ARL15: variants seen among roughly 807,000 people sequenced by gnomAD.
The protein encoded by ARL15 is ARF like GTPase 15.
Under a neutral mutation model 25.2 loss-of-function variants are expected in ARL15, and 19 were observed. That is an observed-to-expected ratio of 0.75 (90% CI 0.53 to 1.10). The LOEUF (loss-of-function observed/expected upper bound fraction) is 1.10, where lower values mean the gene tolerates loss of function less well. ARL15 is among the 50% of genes least tolerant of loss of function. The pLI is 0.00. For missense variants in ARL15, 220 were observed against 246.0 expected (o/e 0.89, Z 0.71); for synonymous variants, 94 against 86.8 (o/e 1.08, Z -0.46).
At chr5:54,235,653 G>T (rs1756782972) in intron 1 of ARL15, among the ~76,000 whole-genome samples, 1 of 152,200 alleles carries the variant, frequency 6.6e-6, no homozygotes, top group Non-Finnish European at 1.5e-5. Flanking sequence ...TATAATTTTT[G>T]TAGAGACAGG....
intron 1 of ARL15, among the ~76,000 whole-genome samples, chr5:54,194,791 T>C (rs1755505800): frequency 6.6e-6 from 1 of 152,190 alleles, no homozygotes; most frequent in African/African-American, 2.4e-5. Flanking sequence ...TTGGAAAGAA[T>C]CTACTTCAGA....
intron 1 of ARL15, among the ~76,000 whole-genome samples, chr5:54,251,442 AAC>A (rs1757234046): frequency 1.3e-5 from 2 of 152,232 alleles, no homozygotes; most frequent in African/African-American, 2.4e-5. Flanking sequence ...AGTCAACAGC[AAC>A]AGTTTGTAAT....
intron 4 of ARL15, among the ~76,000 whole-genome samples, chr5:53,985,756 A>C (rs1748277495): frequency 6.6e-6 from 1 of 152,218 alleles, no homozygotes; most frequent in African/African-American, 2.4e-5. Context: ...GCTACAGTGA[A>C]TAATGCTGCT....
chr5:54,236,162 CAG>C (rs1433533725), intron 1 of ARL15, among the ~76,000 whole-genome samples: 2 of 152,126 alleles, frequency 1.3e-5, no homozygotes, highest in African/African-American at 4.8e-5. Context: ...TAAACTCTGG[CAG>C]AGATAGCTAC....
At chr5:54,166,820 T>A (rs1273519285) in intron 2 of ARL15, among the ~76,000 whole-genome samples, 1 of 152,214 alleles carries the variant, frequency 6.6e-6, no homozygotes, top group Non-Finnish European at 1.5e-5. Flanking sequence ...CGATGATTAT[T>A]CTCATTATGA....
chr5:53,893,348 T>G (rs1320242889), intron 4 of ARL15, among the ~76,000 whole-genome samples: 1 of 151,008 alleles, frequency 6.6e-6, no homozygotes, highest in Non-Finnish European at 1.5e-5. Flanking sequence ...GGCTCACGCC[T>G]GTAATCCCAG....
At chr5:54,285,001 T>C (rs1451320494) in intron 1 of ARL15, among the ~76,000 whole-genome samples, 1 of 152,200 alleles carries the variant, frequency 6.6e-6, no homozygotes, top group East Asian at 1.9e-4. Flanking sequence ...AAGAAACTAT[T>C]TTAACTGTAA....
At chr5:54,303,228 C>A (rs564469763) in intron 1 of ARL15, among the ~76,000 whole-genome samples, 2 of 152,146 alleles carry the variant, frequency 1.3e-5, no homozygotes, top group South Asian at 4.1e-4. Context: ...AGTACCTCTT[C>A]AAAAGAAATG....
At chr5:54,066,889 A>G (rs1289620256) in intron 4 of ARL15, among the ~76,000 whole-genome samples, 1 of 152,232 alleles carries the variant, frequency 6.6e-6, no homozygotes, top group Non-Finnish European at 1.5e-5. Flanking sequence ...ATAATCGCCA[A>G]CATAGAAGGT....
chr5:54,146,063 A>G (rs929704518), intron 3 of ARL15, among the ~76,000 whole-genome samples: 18 of 152,180 alleles, frequency 1.2e-4, no homozygotes, highest in African/African-American at 4.3e-4. Flanking sequence ...TTACCACACC[A>G]GACTGTAATG....
At chr5:54,232,713 C>G (rs1022651365) in intron 1 of ARL15, among the ~76,000 whole-genome samples, 1 of 152,164 alleles carries the variant, frequency 6.6e-6, no homozygotes, top group African/African-American at 2.4e-5. Flanking sequence ...CTCCGGTCTG[C>G]TCTGCCTTCA....
At chr5:54,113,036 T>G (rs767565030) in intron 4 of ARL15, 166 bp downstream of exon 4, 4 of 654,530 alleles carry the variant, frequency 6.1e-6, no homozygotes, top group Non-Finnish European at 7.7e-6. Context: ...TGTAAACAAG[T>G]GCTAACAGAT....
chr5:54,097,633 G>C (rs559639641), intron 4 of ARL15, among the ~76,000 whole-genome samples: 37 of 152,102 alleles, frequency 2.4e-4, no homozygotes, highest in Non-Finnish European at 5.0e-4. Context: ...TCACTTTTAG[G>C]TTCCTATAAT....
chr5:54,193,437 A>G (rs564546809), intron 1 of ARL15, among the ~76,000 whole-genome samples: 14 of 152,310 alleles, frequency 9.2e-5, no homozygotes, highest in African/African-American at 2.2e-4. Context: ...GGTAAGCAGC[A>G]GGTGAGCAAG....
intron 1 of ARL15, among the ~76,000 whole-genome samples, chr5:54,208,998 G>C (rs1755956209): frequency 6.6e-6 from 1 of 152,142 alleles, no homozygotes. Flanking sequence ...TGAGGACGTA[G>C]CAAACTAAGT....
At chr5:54,085,918 C>CTTT (rs112018609) in intron 4 of ARL15, among the ~76,000 whole-genome samples, 17 of 143,062 alleles carry the variant, frequency 1.2e-4, no homozygotes, top group South Asian at 4.5e-4. Context: ...CACACATGAG[C>CTTT]TTTTTTTTTT....
intron 4 of ARL15, among the ~76,000 whole-genome samples, chr5:54,091,381 G>A (rs1203612931): frequency 6.6e-6 from 1 of 152,098 alleles, no homozygotes; most frequent in Non-Finnish European, 1.5e-5. Flanking sequence ...CTCAGGTTTT[G>A]AAGGGCTGGA....
chr5:54,227,718 T>C (rs1437507258), intron 1 of ARL15, among the ~76,000 whole-genome samples: 1 of 152,238 alleles, frequency 6.6e-6, no homozygotes, highest in East Asian at 1.9e-4. Flanking sequence ...GATACTTCAC[T>C]TACAACTGAA....
intron 4 of ARL15, among the ~76,000 whole-genome samples, chr5:54,054,170 GC>G (rs1168750739): frequency 6.6e-6 from 1 of 151,898 alleles, no homozygotes; most frequent in Non-Finnish European, 1.5e-5. Flanking sequence ...CCGGTACCTC[GC>G]CCCCACCTAA....
Sources: gnomAD v4.1 joint callset for allele counts (sites outside exome capture counted in the v4.1 genomes callset) on GRCh38, gnomAD v4.1.1 for gene constraint, MANE v1.5 for transcripts, NCBI Gene and HGNC (gene_info 2026-07-23, HGNC 2026-07-21) for gene names.